PLGRKT: variants seen among roughly 807,000 people sequenced by gnomAD.
PLGRKT encodes the protein plasminogen receptor (KT).
In PLGRKT, 22 loss-of-function variants were observed where a neutral mutation model predicts 18.5. The ratio of observed to expected loss-of-function variants is 1.19; its 90% CI spans 0.85 to 1.70. PLGRKT has a LOEUF of 1.70. Ranked by LOEUF, PLGRKT falls within the 40% of genes most tolerant of loss-of-function variation. The probability of loss-of-function intolerance (pLI) is 0.00; values close to 1 mark genes in which losing one functional copy is unlikely to be tolerated. For synonymous variants in PLGRKT, 72 were observed against 52.8 expected (o/e 1.36, Z -1.58); for missense variants, 235 against 174.4 (o/e 1.35, Z -1.96).
intron 4 of PLGRKT, 132 bp from the exon 5 acceptor site, chr9:5,361,319 G>C: frequency 5.1e-6 from 3 of 593,028 alleles, no homozygotes; most frequent in Non-Finnish European, 8.8e-6. Context: ...TAACACATTT[G>C]ATAATTCTAT....
chr9:5,381,947 T>C (rs963650829), intron 3 of PLGRKT: 1 of 985,172 alleles, frequency 1.0e-6, no homozygotes, highest in Non-Finnish European at 1.2e-6. Flanking sequence ...AGGGCCTCCA[T>C]GCCTGAGCCA....
intron 3 of PLGRKT, among the ~76,000 whole-genome samples, chr9:5,410,507 A>G (rs1818342127): frequency 6.6e-6 from 1 of 152,002 alleles, no homozygotes; most frequent in Non-Finnish European, 1.5e-5. Flanking sequence ...TCAAAAAAAA[A>G]AAAAAAGGAA....
chr9:5,379,172 A>G (rs560488556), intron 3 of PLGRKT, among the ~76,000 whole-genome samples: 1 of 152,222 alleles, frequency 6.6e-6, no homozygotes, highest in Non-Finnish European at 1.5e-5. Context: ...CAGATTTTCT[A>G]TATGCCAAAA....
intron 3 of PLGRKT, among the ~76,000 whole-genome samples, chr9:5,419,253 G>T (rs904580588): frequency 6.6e-6 from 1 of 152,218 alleles, no homozygotes; most frequent in Non-Finnish European, 1.5e-5. Context: ...GGTTCCCAAG[G>T]AAAACATTGC....
intron 3 of PLGRKT, among the ~76,000 whole-genome samples, chr9:5,379,370 G>C (rs937200965): frequency 9.2e-5 from 14 of 152,284 alleles, no homozygotes; most frequent in African/African-American, 3.4e-4. Flanking sequence ...TTACTACAGA[G>C]ATGTGCTGTT....
intron 3 of PLGRKT, among the ~76,000 whole-genome samples, chr9:5,410,498 C>CAA (rs59551404): frequency 1.6e-5 from 2 of 122,018 alleles, no homozygotes; most frequent in East Asian, 2.4e-4. Flanking sequence ...GACTCTGTCT[C>CAA]AAAAAAAAAA....
At chr9:5,380,323 C>T (rs979742515) in intron 3 of PLGRKT, among the ~76,000 whole-genome samples, 9 of 148,752 alleles carry the variant, frequency 6.1e-5, no homozygotes, top group African/African-American at 2.0e-4. Flanking sequence ...GCCGAGATTG[C>T]GCCACTGCAC....
intron 3 of PLGRKT, among the ~76,000 whole-genome samples, chr9:5,398,090 C>G (rs1183386721): frequency 1.3e-5 from 2 of 151,822 alleles, no homozygotes; most frequent in African/African-American, 4.9e-5. Flanking sequence ...AGTGGATGGA[C>G]AGCAAAACGG....
chr9:5,385,372 A>AT (rs752208680), intron 3 of PLGRKT, among the ~76,000 whole-genome samples: 2 of 151,672 alleles, frequency 1.3e-5, no homozygotes, highest in Non-Finnish European at 2.9e-5. Context: ...AATTTTTTGC[A>AT]TTTTTAGTAG....
intron 3 of PLGRKT, among the ~76,000 whole-genome samples, chr9:5,369,019 G>A (rs1817457923): frequency 6.6e-6 from 1 of 152,104 alleles, no homozygotes; most frequent in Non-Finnish European, 1.5e-5. Flanking sequence ...AGAAAACCTA[G>A]GCAATACCAT....
At chr9:5,388,126 G>T (rs1586718233) in intron 3 of PLGRKT, among the ~76,000 whole-genome samples, 2 of 151,810 alleles carry the variant, frequency 1.3e-5, no homozygotes, top group Non-Finnish European at 2.9e-5. Flanking sequence ...AATGCCCCAG[G>T]AAGCGAGTAT....
chr9:5,434,268 C>G (rs1242883033), intron 2 of PLGRKT, among the ~76,000 whole-genome samples: 1 of 134,572 alleles, frequency 7.4e-6, no homozygotes, highest in Non-Finnish European at 1.6e-5. Context: ...CGCCCTTCGT[C>G]TGGGAGGTGG....
At chr9:5,363,095 A>G (rs1459039835) in intron 3 of PLGRKT, among the ~76,000 whole-genome samples, 2 of 151,866 alleles carry the variant, frequency 1.3e-5, no homozygotes, top group Admixed American at 6.6e-5. Flanking sequence ...GGGACTACCA[A>G]TGAGTCCAAA....
chr9:5,359,064 A>ATT (rs3042402), intron 5 of PLGRKT, among the ~76,000 whole-genome samples: 3 of 142,882 alleles, frequency 2.1e-5, no homozygotes, highest in South Asian at 2.3e-4. Context: ...ACACTATTTT[A>ATT]TTTTTTTTTT....
chr9:5,377,813 T>A (rs1817659322), intron 3 of PLGRKT, among the ~76,000 whole-genome samples: 1 of 152,042 alleles, frequency 6.6e-6, no homozygotes, highest in Admixed American at 6.5e-5. Flanking sequence ...AAGTGGCAAA[T>A]CTCTTGGGGG....
At chr9:5,379,841 T>A (rs1024167966) in intron 3 of PLGRKT, among the ~76,000 whole-genome samples, 3 of 152,230 alleles carry the variant, frequency 2.0e-5, no homozygotes, top group African/African-American at 7.2e-5. Context: ...AAGGACAATT[T>A]GACAGTATCT....
At chr9:5,417,277 C>G (rs949096668) in intron 3 of PLGRKT, among the ~76,000 whole-genome samples, 2 of 152,108 alleles carry the variant, frequency 1.3e-5, no homozygotes, top group Non-Finnish European at 2.9e-5. Context: ...TGTCTAGCTT[C>G]GGTATGCTTA....
intron 5 of PLGRKT, among the ~76,000 whole-genome samples, chr9:5,359,072 T>A (rs867806965): frequency 0.059 from 9,043 of 151,996 alleles, 928 homozygotes; most frequent in African/African-American, 0.21. Flanking sequence ...TTATTTTTTT[T>A]TTTTTTTTGA....
intron 3 of PLGRKT, among the ~76,000 whole-genome samples, chr9:5,405,286 G>C (rs1187007027): frequency 1.3e-5 from 2 of 152,142 alleles, no homozygotes; most frequent in South Asian, 2.1e-4. Flanking sequence ...CCAAAAAAGA[G>C]CTCGCATAGC....
Sources: allele counts gnomAD v4.1 joint callset (sites outside exome capture counted in the v4.1 genomes callset), GRCh38; gene constraint gnomAD v4.1.1; transcripts MANE v1.5; gene names NCBI Gene and HGNC (gene_info 2026-07-23, HGNC 2026-07-21).